The following NPLOC4 variants were observed in gnomAD, a reference collection of about 807,000 sequenced individuals.
NPLOC4 encodes the protein nuclear protein localization protein 4 homolog.
A neutral mutation model predicts 80.6 loss-of-function variants in NPLOC4; 18 were observed. The ratio of observed to expected loss-of-function variants is 0.22; its 90% CI spans 0.15 to 0.33. NPLOC4 has a LOEUF of 0.33. Ranked by LOEUF, NPLOC4 falls within the 10% of genes least tolerant of loss-of-function variation. NPLOC4 has a pLI of 1.00. For synonymous variants in NPLOC4, 313 were observed against 301.5 expected, an observed-to-expected ratio of 1.04 and a Z score of -0.39; for missense variants, 540 against 786.1, an observed-to-expected ratio of 0.69 and a Z score of 3.74.
intron 11 of NPLOC4, among the ~76,000 whole-genome samples, chr17:81,590,115 A>G (rs552816980): frequency 1.3e-5 from 2 of 152,354 alleles, no homozygotes; most frequent in Admixed American, 6.5e-5. Flanking sequence ...TCTGTCTTCC[A>G]GAAACCTACA....
At chr17:81,623,476 A>AAC (rs1568164364) in intron 2 of NPLOC4, among the ~76,000 whole-genome samples, 1 of 147,914 alleles carries the variant, frequency 6.8e-6, no homozygotes, top group East Asian at 2.0e-4. Flanking sequence ...AAAAAAAAAA[A>AAC]AAAAAAAAGC....
At chr17:81,575,971 C>T (rs1015044184) in intron 12 of NPLOC4, among the ~76,000 whole-genome samples, 1 of 151,940 alleles carries the variant, frequency 6.6e-6, no homozygotes, top group Non-Finnish European at 1.5e-5. Flanking sequence ...TAAAAAGTTG[C>T]GTGCTGCTGG....
intron 11 of NPLOC4, among the ~76,000 whole-genome samples, chr17:81,590,790 G>T (rs1202405138): frequency 6.6e-6 from 1 of 152,178 alleles, no homozygotes; most frequent in Admixed American, 6.5e-5. Context: ...AAACCTGACG[G>T]CCACACAATC....
rs151118923 is a variant in NPLOC4, at chr17:81,592,072, C to T, written c.1121-2968G>A. ...CATGCCAGAGAATACCTGAGTACAA[C>T]GAAAGGGGAAAGGGGAGGAAGGACA... On this transcript the variant is annotated intron_variant, in intron 11 of 16. Coordinates refer to ENST00000331134, the MANE Select transcript of NPLOC4 (RefSeq NM_017921.4). Among the ~76,000 whole-genome samples, 388 of 152,182 alleles carry T rather than the reference C, an allele frequency of 2.5e-3. 1 individual carries two copies. Among genetic ancestry groups the T allele is most frequent in the African/African-American group, 8.4e-3 (349 of 41,528 alleles).
intron 16 of NPLOC4, chr17:81,564,083 A>AACACACACAC (rs58774657): frequency 0.12 from 33,867 of 272,826 alleles, 1,687 homozygotes; most frequent in Middle Eastern, 0.17. Context: ...TCCAGCTCAA[A>AACACACACAC]ACACACACAC....
chr17:81,620,821 A>G (rs2035643654), intron 3 of NPLOC4, among the ~76,000 whole-genome samples: 2 of 152,116 alleles, frequency 1.3e-5, no homozygotes, highest in African/African-American at 2.4e-5. Flanking sequence ...ACCTTTAGAT[A>G]ATGGTTACGT....
chr17:81,632,164 C>T (rs542980678), intron 1 of NPLOC4, among the ~76,000 whole-genome samples: 72 of 151,224 alleles, frequency 4.8e-4, no homozygotes, highest in African/African-American at 1.7e-3. Context: ...TTAGTAGAGA[C>T]GGGGTTTCAA....
chr17:81,566,134 C>A (rs1314044944), intron 15 of NPLOC4, among the ~76,000 whole-genome samples: 2 of 152,186 alleles, frequency 1.3e-5, no homozygotes. Context: ...GAGTTTGAGA[C>A]CAGCCTGGCA....
intron 1 of NPLOC4, among the ~76,000 whole-genome samples, chr17:81,631,104 C>A (rs1324871996): frequency 6.6e-6 from 1 of 151,384 alleles, no homozygotes; most frequent in Non-Finnish European, 1.5e-5. Flanking sequence ...ACCCAGGAGG[C>A]AGAGGTTGCA....
chr17:81,600,935 G>C (rs2144198874), intron 8 of NPLOC4, among the ~76,000 whole-genome samples: 1 of 152,266 alleles, frequency 6.6e-6, no homozygotes, highest in Non-Finnish European at 1.5e-5. Flanking sequence ...CTCAGTTACA[G>C]GGACACTATG....
chr17:81,616,181 G>C (rs1383490320), intron 3 of NPLOC4, among the ~76,000 whole-genome samples: 2 of 151,510 alleles, frequency 1.3e-5, no homozygotes, highest in African/African-American at 2.4e-5. Flanking sequence ...ATTAGCCGGG[G>C]GTGGTGGCGG....
chr17:81,625,523 G>T (rs1309474954), intron 2 of NPLOC4, among the ~76,000 whole-genome samples: 1 of 152,150 alleles, frequency 6.6e-6, no homozygotes, highest in Non-Finnish European at 1.5e-5. Context: ...AAAAACACAA[G>T]AACAGAAATA....
intron 9 of NPLOC4, among the ~76,000 whole-genome samples, chr17:81,598,578 AG>A (rs2034983107): frequency 6.6e-6 from 1 of 152,232 alleles, no homozygotes; most frequent in Non-Finnish European, 1.5e-5. Flanking sequence ...CAAGGCCGGA[AG>A]GAAGCATCTG....
At position 81,572,483 on chromosome 17, in the gene NPLOC4, G is replaced by A. The variant is rs758474627; in HGVS notation, c.1282-395C>T. Among the ~76,000 whole-genome samples, 2 of 152,210 alleles carry A rather than the reference G, an allele frequency of 1.3e-5. No homozygotes were observed. The highest frequency in any genetic ancestry group is 1.9e-4 in the East Asian group (1 of 5,192). On this transcript the variant is annotated intron_variant, in intron 12 of 16. Transcript: ENST00000331134. This position sits in a 1 kb window ranked among gnomAD's most constrained non-coding sequence, Gnocchi z 4.5. ...TGGGATTACAGGCGTGAGCCACCGC[G>A]TCCGGCCTTCACTTTTTAAATTACT...
At chr17:81,631,638 T>C (rs1294651070) in intron 1 of NPLOC4, among the ~76,000 whole-genome samples, 1 of 151,970 alleles carries the variant, frequency 6.6e-6, no homozygotes, top group African/African-American at 2.4e-5. Context: ...TGGCATGCTC[T>C]GCAGCAAACA....
At chr17:81,623,984 T>C (rs1432726074) in intron 2 of NPLOC4, among the ~76,000 whole-genome samples, 2 of 151,498 alleles carry the variant, frequency 1.3e-5, no homozygotes, top group Non-Finnish European at 2.9e-5. Context: ...AAAAATGAAC[T>C]AGAAAAGACA....
chr17:81,633,788 T>C (rs1348333856), intron 1 of NPLOC4, among the ~76,000 whole-genome samples: 1 of 152,120 alleles, frequency 6.6e-6, no homozygotes, highest in Non-Finnish European at 1.5e-5. Context: ...CACTGCAACC[T>C]TTGCCTGCCG....
At chr17:81,624,161 C>CT (rs1001272092) in intron 2 of NPLOC4, among the ~76,000 whole-genome samples, 1 of 152,112 alleles carries the variant, frequency 6.6e-6, no homozygotes, top group African/African-American at 2.4e-5. Context: ...TGACTCACGC[C>CT]TGTAATCCCA....
In NPLOC4 at chr17:81,636,640, C is replaced by T. The variant is rs993972347; in HGVS notation, c.15+276G>A. 3.3e-5 allele frequency among the ~76,000 whole-genome samples: 5 copies of T among 152,172 alleles called. No individual in the cohort carries two copies. The East Asian group carries it at 9.6e-4, about 29-fold the overall frequency. On this transcript the variant is annotated intron_variant, in intron 1 of 16. Coordinates refer to ENST00000331134, the MANE Select transcript of NPLOC4 (RefSeq NM_017921.4). Reference sequence around the variant, plus strand: ...GGGAAGGAGGGCGGTTTCTCTTCGCCACAGTCCATTCTCCCTGCTTAGAAA... The same window carrying T: ...GGGAAGGAGGGCGGTTTCTCTTCGCTACAGTCCATTCTCCCTGCTTAGAAA...
Sources: allele counts gnomAD v4.1 joint callset (sites outside exome capture counted in the v4.1 genomes callset), GRCh38; gene constraint gnomAD v4.1.1; non-coding constraint Gnocchi (gnomAD v3.1); transcripts MANE v1.5; gene names NCBI Gene and HGNC (gene_info 2026-07-23, HGNC 2026-07-21).